The following NALF1 variants were observed in gnomAD, a reference collection of about 807,000 sequenced individuals.
NALF1 encodes the protein NALCN channel auxiliary factor 1.
NALF1 carries 3 observed loss-of-function variants against 48.4 expected under a neutral mutation model. That is an observed-to-expected ratio of 0.06 (90% CI 0.03 to 0.16). The LOEUF is 0.16. Ranked by LOEUF, NALF1 falls within the 10% of genes least tolerant of loss-of-function variation. NALF1 has a pLI of 1.00. For missense variants in NALF1, 526 were observed against 571.5 expected (o/e 0.92, Z 0.81); for synonymous variants, 262 against 245.7 (o/e 1.07, Z -0.62).
rs184524364 is a variant in NALF1 at position 107,655,432 on chromosome 13, C to T, written c.915+210250G>A. 5.3e-5 allele frequency among the ~76,000 whole-genome samples: 8 copies of T among 152,158 alleles called. No homozygotes were observed. The East Asian group carries it at 1.5e-3, about 29-fold the overall frequency. On this transcript the variant is annotated intron_variant, in intron 1 of 2. Coordinates refer to ENST00000375915, the MANE Select transcript of NALF1 (RefSeq NM_001080396.3). ...TAGCTGCAAAAAATAAAATAAAGTA[C>T]TTAGGAATATACCTAACCAAGGACG... is the stretch of plus-strand genomic sequence containing the variant.
intron 1 of NALF1, among the ~76,000 whole-genome samples, chr13:107,818,710 A>C (rs1879251572): frequency 6.7e-6 from 1 of 149,782 alleles, no homozygotes; most frequent in Non-Finnish European, 1.5e-5. Context: ...GTCTCTACTA[A>C]AAATACAAAA....
chr13:107,613,387 G>A (rs1879292459), intron 1 of NALF1, among the ~76,000 whole-genome samples: 1 of 152,152 alleles, frequency 6.6e-6, no homozygotes, highest in Non-Finnish European at 1.5e-5. Context: ...CTCTCTCCAG[G>A]CCAACTGGGG....
intron 1 of NALF1, among the ~76,000 whole-genome samples, chr13:107,676,657 C>T (rs141235364): frequency 5.2e-4 from 78 of 149,728 alleles, no homozygotes; most frequent in African/African-American, 1.9e-3. Context: ...CTTAGAAATG[C>T]AATTCTAGCT....
chr13:107,648,593 C>T (rs1208716779), intron 1 of NALF1, among the ~76,000 whole-genome samples: 1 of 152,116 alleles, frequency 6.6e-6, no homozygotes, highest in African/African-American at 2.4e-5. Context: ...TATTGTAGGA[C>T]ATCTTGGTTG....
chr13:107,859,667 C>T (rs1880517117), intron 1 of NALF1, among the ~76,000 whole-genome samples: 1 of 152,022 alleles, frequency 6.6e-6, no homozygotes, highest in African/African-American at 2.4e-5. Context: ...ATTTAGAAGG[C>T]CGAGGTGGGT....
At chr13:107,358,262 T>G (rs1882998949) in intron 1 of NALF1, among the ~76,000 whole-genome samples, 1 of 152,096 alleles carries the variant, frequency 6.6e-6, no homozygotes, top group African/African-American at 2.4e-5. Context: ...ATTCTTGGTT[T>G]TATCACTTGC....
At chr13:107,626,528 A>G (rs1432166631) in intron 1 of NALF1, among the ~76,000 whole-genome samples, 1 of 152,150 alleles carries the variant, frequency 6.6e-6, no homozygotes, top group African/African-American at 2.4e-5. Context: ...AGTGGCCATC[A>G]ATGGATGAAT....
intron 1 of NALF1, among the ~76,000 whole-genome samples, chr13:107,220,990 T>A (rs1227286507): frequency 6.6e-6 from 1 of 152,054 alleles, no homozygotes; most frequent in African/African-American, 2.4e-5. Context: ...GAACAAAATT[T>A]CTTTTGCAGC....
At chr13:107,817,275 G>C (rs1345883955) in intron 1 of NALF1, among the ~76,000 whole-genome samples, 1 of 152,170 alleles carries the variant, frequency 6.6e-6, no homozygotes, top group Non-Finnish European at 1.5e-5. Context: ...ACTTGAAATT[G>C]TGGTTTGCAC....
intron 1 of NALF1, among the ~76,000 whole-genome samples, chr13:107,288,219 C>CTT (rs375800659): frequency 0.024 from 3,044 of 125,084 alleles, 139 homozygotes; most frequent in African/African-American, 0.054. Context: ...GATCTGAAGA[C>CTT]TTTTTTTTTT....
intron 1 of NALF1, among the ~76,000 whole-genome samples, chr13:107,469,868 C>G (rs372062224): frequency 6.6e-6 from 1 of 150,894 alleles, no homozygotes; most frequent in Non-Finnish European, 1.5e-5. Flanking sequence ...CTCAGCCTCC[C>G]GAGTAGGTGG....
intron 1 of NALF1, among the ~76,000 whole-genome samples, chr13:107,768,499 T>G (rs570235929): frequency 6.6e-6 from 1 of 152,302 alleles, no homozygotes; most frequent in Non-Finnish European, 1.5e-5. Context: ...GAACTAAATC[T>G]TGAGACTTAT....
chr13:107,299,979 T>C (rs1198156005), intron 1 of NALF1, among the ~76,000 whole-genome samples: 2 of 152,180 alleles, frequency 1.3e-5, no homozygotes, highest in African/African-American at 4.8e-5. Context: ...TCCTGGTTCC[T>C]GTTCTTGGAG....
At chr13:107,304,059 T>C (rs554596016) in intron 1 of NALF1, among the ~76,000 whole-genome samples, 4 of 152,282 alleles carry the variant, frequency 2.6e-5, no homozygotes, top group Admixed American at 6.5e-5. Flanking sequence ...TTAGCCTACA[T>C]GATTCAGGAG....
chr13:107,659,149 T>G (rs1191626883), intron 1 of NALF1, among the ~76,000 whole-genome samples: 1 of 101,418 alleles, frequency 9.9e-6, no homozygotes, highest in African/African-American at 4.0e-5. Context: ...ACACACGCAC[T>G]CAAACTTGTC....
At chr13:107,802,782 T>C (rs1024748565) in intron 1 of NALF1, among the ~76,000 whole-genome samples, 7 of 152,124 alleles carry the variant, frequency 4.6e-5, no homozygotes, top group African/African-American at 1.7e-4. Context: ...CTGAACGTGG[T>C]AGACAGAATA....
intron 1 of NALF1, among the ~76,000 whole-genome samples, chr13:107,307,328 A>C (rs577995247): frequency 6.6e-6 from 1 of 152,316 alleles, no homozygotes; most frequent in African/African-American, 2.4e-5. Flanking sequence ...GAGAGAACAG[A>C]GGGAAAGAGG....
intron 1 of NALF1, among the ~76,000 whole-genome samples, chr13:107,353,860 A>C (rs1380223941): frequency 2.0e-5 from 3 of 152,208 alleles, no homozygotes; most frequent in Non-Finnish European, 2.9e-5. Flanking sequence ...TCATTAGTAA[A>C]TGCATAGATA....
chr13:107,290,057 T>A (rs1881583172), intron 1 of NALF1, among the ~76,000 whole-genome samples: 1 of 151,956 alleles, frequency 6.6e-6, no homozygotes, highest in Non-Finnish European at 1.5e-5. Flanking sequence ...CTATATTCAA[T>A]GGGTGCTTGG....
Sources: gnomAD v4.1 joint callset for allele counts (sites outside exome capture counted in the v4.1 genomes callset) on GRCh38, gnomAD v4.1.1 for gene constraint, MANE v1.5 for transcripts, NCBI Gene and HGNC (gene_info 2026-07-23, HGNC 2026-07-21) for gene names.